The following AP4S1 variants were observed in gnomAD, a reference collection of about 807,000 sequenced individuals.
AP4S1 encodes AP-4 complex subunit sigma-1.
Under a neutral mutation model 19.8 loss-of-function variants are expected in AP4S1, and 23 were observed. The observed-to-expected ratio is 1.16, with a 90% CI of 0.84 to 1.65. AP4S1 has a LOEUF of 1.65. Among genes scored for constraint, AP4S1 ranks in the 40% most tolerant of loss-of-function variants. The probability of loss-of-function intolerance (pLI) is 0.00; values close to 1 mark genes in which losing one functional copy is unlikely to be tolerated. For synonymous variants in AP4S1, 46 were observed against 54.1 expected, an observed-to-expected ratio of 0.85 and a Z score of 0.66; for missense variants, 166 against 172.8, an observed-to-expected ratio of 0.96 and a Z score of 0.22.
chr14:31,032,461 A>G (rs1884455358), intron 1 of AP4S1, among the ~76,000 whole-genome samples: 1 of 152,136 alleles, frequency 6.6e-6, no homozygotes, highest in Non-Finnish European at 1.5e-5. Flanking sequence ...TGATGTTCAA[A>G]GAGTGTTGAC....
chr14:31,040,402 T>C (rs1885043460), intron 1 of AP4S1, among the ~76,000 whole-genome samples: 1 of 152,138 alleles, frequency 6.6e-6, no homozygotes. Flanking sequence ...CATTTATTTG[T>C]TTCTTCCTTA....
At chr14:31,067,498 C>T (rs1319142546) in intron 2 of AP4S1, among the ~76,000 whole-genome samples, 1 of 146,674 alleles carries the variant, frequency 6.8e-6, no homozygotes, top group African/African-American at 2.5e-5. Context: ...GTTCAATTCC[C>T]ACCTATGAGT....
At chr14:31,045,507 TGAA>T (rs1382581206) in intron 1 of AP4S1, among the ~76,000 whole-genome samples, 1 of 152,156 alleles carries the variant, frequency 6.6e-6, no homozygotes, top group Non-Finnish European at 1.5e-5. Flanking sequence ...TGCTGCCTTG[TGAA>T]GAAGGTTACT....
intron 1 of AP4S1, among the ~76,000 whole-genome samples, chr14:31,058,565 G>A: frequency 1.2e-5 from 1 of 86,600 alleles, no homozygotes; most frequent in African/African-American, 3.9e-5. Flanking sequence ...GTGTGTGTGT[G>A]TGTGTGTGTG....
Position 31,085,406 on chromosome 14 carries a change from T to C in AP4S1, c.306+4822T>C, listed in dbSNP as rs1000283365. On this transcript the variant is annotated intron_variant, in intron 5 of 5. Transcript: ENST00000542754. ...GGCTGGAGTCTCTACTTTGTATTCT[T>C]GTGAGGCACAAATATAGGCTAGAAT... 2.7e-5 allele frequency: 27 copies of C among 987,824 alleles called. No homozygotes were observed. The Admixed American group carries it at 6.0e-4, about 22-fold the overall frequency. 61.2% of individuals were successfully genotyped at this position (987,824 alleles called of 1,614,324 possible). A position where few individuals can be genotyped will look rare whatever the true frequency, so the allele number is the denominator to read the frequency against.
intron 1 of AP4S1, among the ~76,000 whole-genome samples, chr14:31,059,580 AGGATG>A (rs959150145): frequency 6.6e-6 from 1 of 152,250 alleles, no homozygotes; most frequent in African/African-American, 2.4e-5. Flanking sequence ...AGTAAAAGAA[AGGATG>A]GTAATCTTAG....
At chr14:31,046,902 G>T (rs1407492169) in intron 1 of AP4S1, among the ~76,000 whole-genome samples, 2 of 151,484 alleles carry the variant, frequency 1.3e-5, no homozygotes, top group Admixed American at 6.6e-5. Flanking sequence ...GTAAATTTGT[G>T]TTTAACTTTT....
intron 1 of AP4S1, among the ~76,000 whole-genome samples, chr14:31,042,448 C>G (rs1397881546): frequency 6.6e-6 from 1 of 152,196 alleles, no homozygotes; most frequent in Non-Finnish European, 1.5e-5. Flanking sequence ...CTTACCTCCT[C>G]TACCATCAGG....
intron 4 of AP4S1, among the ~76,000 whole-genome samples, chr14:31,073,485 G>A (rs12880501): frequency 1.7e-4 from 25 of 145,684 alleles, no homozygotes; most frequent in Non-Finnish European, 3.3e-4. Context: ...GCGAGACTCC[G>A]TCTCAGAAAA....
chr14:31,090,553 C>A (rs980551914), intron 5 of AP4S1, among the ~76,000 whole-genome samples: 5 of 152,224 alleles, frequency 3.3e-5, no homozygotes, highest in African/African-American at 1.2e-4. Flanking sequence ...GAAGGTAAGA[C>A]TGTCTTTCAA....
intron 1 of AP4S1, among the ~76,000 whole-genome samples, chr14:31,062,784 G>A (rs1041448940): frequency 2.0e-5 from 3 of 151,362 alleles, no homozygotes; most frequent in South Asian, 2.1e-4. Flanking sequence ...TGGCTAACAC[G>A]GTGAAACCCT....
At position 31,094,858 on chromosome 14, in the gene AP4S1, T is replaced by C. The variant is rs1384695974; in HGVS notation, c.*1823T>C. 2.0e-5 allele frequency: 3 copies of C among 152,108 alleles called. No homozygotes were observed. Among genetic ancestry groups the C allele is most frequent in the Non-Finnish European group, 4.4e-5 (3 of 68,056 alleles). 9.4% of individuals were successfully genotyped at this position (152,108 alleles called of 1,614,324 possible). On this transcript the variant is annotated 3_prime_UTR_variant, in exon 6 of 6. Transcript: ENST00000542754. ...GGCAAAACCTTGTCTCTACTAAAAA[T>C]ACAAAAAGTTAGCCAGGCATGGTGG...
intron 4 of AP4S1, chr14:31,073,315 C>T (rs576185637): frequency 3.9e-4 from 89 of 229,258 alleles, no homozygotes; most frequent in Admixed American, 7.0e-4. Context: ...ACGGTGAAAC[C>T]CCGTCTCTAC....
intron 4 of AP4S1, among the ~76,000 whole-genome samples, chr14:31,075,210 A>G (rs1176765337): frequency 1.3e-5 from 2 of 152,094 alleles, no homozygotes; most frequent in Non-Finnish European, 2.9e-5. Flanking sequence ...GCTTTTGGTA[A>G]CCACCAATTT....
intron 1 of AP4S1, among the ~76,000 whole-genome samples, chr14:31,060,251 C>T (rs1204956429): frequency 6.6e-6 from 1 of 151,922 alleles, no homozygotes; most frequent in Non-Finnish European, 1.5e-5. Flanking sequence ...ATGCAAAACC[C>T]CAGTTATATG....
At chr14:31,048,221 G>A (rs1032743935) in intron 1 of AP4S1, among the ~76,000 whole-genome samples, 4 of 151,130 alleles carry the variant, frequency 2.6e-5, no homozygotes, top group Admixed American at 6.6e-5. Flanking sequence ...GGCCTCCCAA[G>A]TAGCTGGGAT....
rs113454566 is a variant in AP4S1 at position 31,037,962 on chromosome 14, A to G, written c.-72+12175A>G. Among the ~76,000 whole-genome samples, 9 of 152,330 alleles carry G rather than the reference A, an allele frequency of 5.9e-5. 1 individual carries two copies. The highest frequency in any genetic ancestry group is 1.9e-4 in the African/African-American group (8 of 41,582). On this transcript the variant is annotated intron_variant, in intron 1 of 5. Coordinates refer to ENST00000542754, the MANE Select transcript of AP4S1 (RefSeq NM_001128126.3). ...GGGAGACCCTGTCTCAAAACAAAAC[A>G]AAGCAAAATTCATATTTAGCAAGAG...
intron 5 of AP4S1, among the ~76,000 whole-genome samples, chr14:31,091,462 C>G (rs1048040464): frequency 6.6e-6 from 1 of 151,732 alleles, no homozygotes; most frequent in Admixed American, 6.6e-5. Context: ...CCAGTTTGGC[C>G]GTGGGACAAA....
At chr14:31,084,948 G>C (rs925342190) in intron 5 of AP4S1, 2 of 1,611,206 alleles carry the variant, frequency 1.2e-6, no homozygotes, top group African/African-American at 1.3e-5. Flanking sequence ...CTTCAAATCA[G>C]TGCGTACCTG....
Sources: allele counts gnomAD v4.1 joint callset (sites outside exome capture counted in the v4.1 genomes callset), GRCh38; gene constraint gnomAD v4.1.1; transcripts MANE v1.5; gene names NCBI Gene and HGNC (gene_info 2026-07-23, HGNC 2026-07-21).